PBLD: variants seen among roughly 807,000 people sequenced by gnomAD.
PBLD encodes the protein phenazine biosynthesis like protein domain containing.
In PBLD, 26 loss-of-function variants were observed where a neutral mutation model predicts 31.3. The ratio of observed to expected loss-of-function variants is 0.83; its 90% CI spans 0.61 to 1.15. The LOEUF is 1.15. PBLD is among the 50% of genes most tolerant of loss of function. The probability of loss-of-function intolerance (pLI) is 0.00; values close to 1 mark genes in which losing one functional copy is unlikely to be tolerated. For missense variants in PBLD, 307 were observed against 351.7 expected, an observed-to-expected ratio of 0.87 and a Z score of 1.02; for synonymous variants, 114 against 129.0, an observed-to-expected ratio of 0.88 and a Z score of 0.79.
At chr10:68,296,065 A>G (rs1484932700) in intron 4 of PBLD, 8 of 410,292 alleles carry the variant, frequency 1.9e-5, no homozygotes, top group African/African-American at 4.1e-5. Flanking sequence ...CAGCTTTCCA[A>G]TGATGCTGGG....
Position 68,315,245 on chromosome 10 carries a change from G to A in PBLD, c.-59-8342C>T, listed in dbSNP as rs370157497. Among the ~76,000 whole-genome samples the A allele has an allele frequency of 3.3e-5, 5 of 152,296 alleles. No homozygotes were observed. The South Asian group carries it at 1.0e-3, about 32-fold the overall frequency. On this transcript the variant is annotated intron_variant, in intron 1 of 9. Transcript: ENST00000358769. ...AAGGCAAATGATAGGCTAATCAAAA[G>A]TTGATAAGGAATAGCAAGGGAATGA... is the stretch of plus-strand genomic sequence containing the variant.
At chr10:68,319,691 G>A (rs547441697) in intron 1 of PBLD, among the ~76,000 whole-genome samples, 7 of 151,638 alleles carry the variant, frequency 4.6e-5, no homozygotes, top group Non-Finnish European at 8.8e-5. Context: ...ACTGCACTCC[G>A]GCCAGGGCGA....
chr10:68,286,489 T>C (rs2134419741), intron 8 of PBLD, among the ~76,000 whole-genome samples: 1 of 152,248 alleles, frequency 6.6e-6, no homozygotes, highest in South Asian at 2.1e-4. Flanking sequence ...TAAATTTTCT[T>C]TTCTTTTAAC....
intron 1 of PBLD, among the ~76,000 whole-genome samples, chr10:68,320,676 T>C (rs1205462991): frequency 1.3e-5 from 2 of 152,030 alleles, no homozygotes; most frequent in Admixed American, 1.3e-4. Context: ...TTCTTTTAAT[T>C]TTTTTATTTT....
At chr10:68,329,576 T>C (rs1340366524) in intron 1 of PBLD, among the ~76,000 whole-genome samples, 1 of 151,970 alleles carries the variant, frequency 6.6e-6, no homozygotes, top group East Asian at 1.9e-4. Flanking sequence ...ATCAGAATTG[T>C]GGGAGCTTAG....
intron 6 of PBLD, among the ~76,000 whole-genome samples, chr10:68,291,178 C>T (rs2044353453): frequency 6.6e-6 from 1 of 152,226 alleles, no homozygotes; most frequent in South Asian, 2.1e-4. Context: ...ACACACCAAG[C>T]CCCTGGTCAT....
intron 1 of PBLD, among the ~76,000 whole-genome samples, chr10:68,330,549 G>C (rs1427352768): frequency 1.3e-5 from 2 of 151,962 alleles, no homozygotes; most frequent in Admixed American, 1.3e-4. Flanking sequence ...ATTTTTTTGG[G>C]GGGGAAAGGG....
chr10:68,290,020 A>T (rs774297668), intron 6 of PBLD, among the ~76,000 whole-genome samples: 2 of 152,052 alleles, frequency 1.3e-5, no homozygotes, highest in African/African-American at 2.4e-5. Context: ...GACTGCACAT[A>T]ATCTTGCTGA....
chr10:68,325,449 C>T (rs1182150159), intron 1 of PBLD, among the ~76,000 whole-genome samples: 1 of 152,066 alleles, frequency 6.6e-6, no homozygotes, highest in Admixed American at 6.6e-5. Context: ...CCTGTAGTCC[C>T]AGCTACTCAG....
At chr10:68,293,278 G>C (rs7899387) in intron 4 of PBLD, among the ~76,000 whole-genome samples, 119,999 of 152,202 alleles carry the variant, frequency 0.79, 47,914 homozygotes, top group Non-Finnish European at 0.86. Context: ...AAATATCAGT[G>C]TTATATGAAA....
chr10:68,311,261 T>C lies in PBLD; in HGVS notation c.-59-4358A>G, dbSNP rs544668359. On this transcript the variant is annotated intron_variant, in intron 1 of 9. Coordinates refer to ENST00000358769, the MANE Select transcript of PBLD (RefSeq NM_022129.4). ...GAGTTCCAGACCAGCCTGGCCAACA[T>C]GGTGAAACCCCATCTCTACTAAAAA... Among the ~76,000 whole-genome samples the C allele has an allele frequency of 2.1e-4, 32 of 152,038 alleles. 1 individual carries two copies. The South Asian group carries it at 6.4e-3, about 31-fold the overall frequency.
At position 68,284,249 on chromosome 10, in the gene PBLD, G is replaced by A. The variant is rs758736763; in HGVS notation, c.795C>T (p.Ser265=). 2.3e-5 allele frequency: 37 copies of A among 1,613,900 alleles called. No homozygotes were observed. The highest frequency in any genetic ancestry group is 2.5e-5 in the Non-Finnish European group (30 of 1,180,006). ...TGTCAACCCTTCCGTCTGGACGAAG[G>A]GAAATTCCCAGCTCTCCTCCTCGGT... ...CSHRGGELGI[S]LRPDGRVDIR... is the part of the protein sequence containing the mutation. Residue 265 remains serine (S), a synonymous_variant, in exon 10 of 10, where the codon TCC becomes TCT. Coordinates refer to ENST00000358769, the MANE Select transcript of PBLD (RefSeq NM_022129.4).
intron 1 of PBLD, among the ~76,000 whole-genome samples, chr10:68,320,513 G>T (rs897147590): frequency 6.6e-6 from 1 of 151,962 alleles, no homozygotes; most frequent in Non-Finnish European, 1.5e-5. Flanking sequence ...TATATAAAAT[G>T]GTGTGTATTT....
intron 1 of PBLD, among the ~76,000 whole-genome samples, chr10:68,314,946 T>G (rs896665334): frequency 6.6e-6 from 1 of 152,040 alleles, no homozygotes; most frequent in Non-Finnish European, 1.5e-5. Context: ...CCCACCACCA[T>G]GCCCAGCTAG....
intron 9 of PBLD, chr10:68,284,982 G>T: frequency 9.2e-7 from 1 of 1,081,470 alleles, no homozygotes; most frequent in Non-Finnish European, 1.1e-6. Context: ...TGGTTCCAAA[G>T]TAATTTGTTT....
rs1564746429 is a variant in PBLD, at chr10:68,332,846, TGG to T, written c.-124_-123del. 1 of 152,256 alleles carries T rather than the reference TGG, an allele frequency of 6.6e-6. No homozygotes were observed. Among genetic ancestry groups the T allele is most frequent in the South Asian group, 2.1e-4 (1 of 4,832 alleles). 9.4% of individuals were successfully genotyped at this position (152,256 alleles called of 1,614,324 possible). A position where few individuals can be genotyped will look rare whatever the true frequency, so the allele number is the denominator to read the frequency against. On this transcript the variant is annotated 5_prime_UTR_variant, in exon 1 of 10. Transcript: ENST00000358769. ...TTCCCAAGATGAGAGAGGCTGGAGC[TGG>T]GGGAGGAAAGCCAATGGCGACGAAG...
At chr10:68,295,518 T>C (rs1026423658) in intron 4 of PBLD, among the ~76,000 whole-genome samples, 1 of 151,916 alleles carries the variant, frequency 6.6e-6, no homozygotes, top group African/African-American at 2.4e-5. Flanking sequence ...AAATGTTTAT[T>C]GAAGAATCTC....
chr10:68,324,516 C>T (rs16925310), intron 1 of PBLD, among the ~76,000 whole-genome samples: 5,007 of 151,942 alleles, frequency 0.033, 289 homozygotes, highest in African/African-American at 0.11. Flanking sequence ...ATCCCTAATA[C>T]CATTGCTCTA....
At chr10:68,296,749 A>C in intron 3 of PBLD, 137 bp downstream of exon 3, 1 of 727,424 alleles carries the variant, frequency 1.4e-6, no homozygotes, top group South Asian at 1.7e-5. Flanking sequence ...CACACCTATA[A>C]TGCCAGCACT....
Sources: allele counts gnomAD v4.1 joint callset (sites outside exome capture counted in the v4.1 genomes callset), GRCh38; gene constraint gnomAD v4.1.1; transcripts MANE v1.5; gene names NCBI Gene and HGNC (gene_info 2026-07-23, HGNC 2026-07-21).